Variants in BMP4 observed in about 807,000 individuals in gnomAD.
The protein encoded by BMP4 is bone morphogenetic protein 2B.
In BMP4, 3 loss-of-function variants were observed where a neutral mutation model predicts 29.6. The ratio of observed to expected loss-of-function variants is 0.10; its 90% confidence interval spans 0.05 to 0.26. The LOEUF (loss-of-function observed/expected upper bound fraction) is 0.26. BMP4 is among the 10% of genes least tolerant of loss of function. The pLI is 1.00. For synonymous variants in BMP4, 197 were observed against 213.2 expected (o/e 0.92, Z 0.66); for missense variants, 455 against 550.2 (o/e 0.83, Z 1.73).
intron 1 of BMP4, 59 bp from the exon 2 acceptor site, chr14:53,953,459 C>T (rs947763057): frequency 2.5e-6 from 1 of 398,246 alleles, no homozygotes; most frequent in African/African-American, 2.1e-5. Context: ...GTTTTTCTTC[C>T]AGCCCCTCGG....
intron 3 of BMP4, 200 bp downstream of exon 3, chr14:53,951,652 TC>T: frequency 1.3e-6 from 1 of 782,436 alleles, no homozygotes; most frequent in Non-Finnish European, 2.0e-6. Context: ...TCATTCCCCT[TC>T]CCCTGAACAC....
chr14:53,951,817 A>G, intron 3 of BMP4, 36 bp downstream of exon 3: 1 of 1,596,496 alleles, frequency 6.3e-7, no homozygotes, highest in Non-Finnish European at 8.5e-7. Flanking sequence ...CAGTCCCACC[A>G]GCCCTCCCCC....
rs1232523924 is a variant in BMP4 at position 53,949,919 on chromosome 14, T to TA, written c.*112dup. The TA allele has an allele frequency of 3.0e-6, 3 of 997,330 alleles. No homozygotes were observed. The highest frequency in any genetic ancestry group is 4.3e-6 in the Non-Finnish European group (3 of 696,648). The allele number at this position is 997,330 out of a possible 1,614,324, so 61.8% of individuals were successfully genotyped here. A position where few individuals can be genotyped will look rare whatever the true frequency, so the allele number is the denominator to read the frequency against. On this transcript the variant is annotated 3_prime_UTR_variant, in exon 4 of 4. Coordinates refer to ENST00000245451, the MANE Select transcript of BMP4 (RefSeq NM_001202.6). ...TTTTTTTTAAATAAAAGTCCAGCTATAAGGAAGCAGTCTGTGTAGTGTGTG... is the reference window on the plus strand; with the variant it reads ...TTTTTTTTAAATAAAAGTCCAGCTATAAAGGAAGCAGTCTGTGTAGTGTGTG...
rs1354610910 is a variant in BMP4, at chr14:53,955,624, C to T, written c.-133+926G>A. ...TTGGGGGTTTAACCTCTCACAAAGC[C>T]TTCAACTCACAAACCGCGATCCTTG... On this transcript the variant is annotated intron_variant, in intron 1 of 3. Transcript: ENST00000245451. This position sits in a 1 kb window ranked among gnomAD's most constrained non-coding sequence, Gnocchi z 4.0. 6.6e-6 allele frequency: 1 copy of T among 152,180 alleles called. No homozygotes were observed. The highest frequency in any genetic ancestry group is 1.9e-4 in the East Asian group (1 of 5,178). 9.4% of individuals were successfully genotyped at this position (152,180 alleles called of 1,614,324 possible).
In BMP4 at chr14:53,956,668, G is replaced by C. The variant is rs1023300708; in HGVS notation, c.-251C>G. 17 of 399,058 alleles carry C rather than the reference G, an allele frequency of 4.3e-5. No homozygotes were observed. The highest frequency in any genetic ancestry group is 7.5e-5 in the Non-Finnish European group (17 of 226,198). The allele number at this position is 399,058 out of a possible 1,614,324, so 24.7% of individuals were successfully genotyped here. ...GCTGCAGGCTCGAGATAGCTTGGAC[G>C]GGAATCCCATCGGGGAGACAAGCTA... On this transcript the variant is annotated 5_prime_UTR_variant, in exon 1 of 4. Coordinates refer to ENST00000245451, the MANE Select transcript of BMP4 (RefSeq NM_001202.6).
chr14:53,954,230 C>T lies in BMP4; in HGVS notation c.-132-830G>A, dbSNP rs962414080. On this transcript the variant is annotated intron_variant, in intron 1 of 3. Transcript: ENST00000245451. The surrounding 1 kb of genome is among the most constrained non-coding windows in gnomAD (Gnocchi z 4.8). ...AATCCCCAAACCTAGTCCGCCGCTG[C>T]GTGGCCCCTCTCCCCATGCAAAGCA... 6.6e-6 allele frequency among the ~76,000 whole-genome samples: 1 copy of T among 152,048 alleles called. No homozygotes were observed. Among genetic ancestry groups the T allele is most frequent in the African/African-American group, 2.4e-5 (1 of 41,408 alleles).
In BMP4 at chr14:53,955,381, T is replaced by G. The variant is rs1011282977; in HGVS notation, c.-133+1169A>C. The stretch of plus-strand genomic sequence containing the variant: ...TAGGAAGGGGAAGGGGGAGTTGTGT[T>G]TCAATTTCGGATTCACCAGGATTCA... On this transcript the variant is annotated intron_variant, in intron 1 of 3. Coordinates refer to ENST00000245451, the MANE Select transcript of BMP4 (RefSeq NM_001202.6). The surrounding 1 kb of genome is among the most constrained non-coding windows in gnomAD (Gnocchi z 4.0). 1 of 152,186 alleles carries G rather than the reference T, an allele frequency of 6.6e-6. No homozygotes were observed. Among genetic ancestry groups the G allele is most frequent in the Non-Finnish European group, 1.5e-5 (1 of 68,056 alleles). 9.4% of individuals were successfully genotyped at this position (152,186 alleles called of 1,614,324 possible). A position where few individuals can be genotyped will look rare whatever the true frequency, so the allele number is the denominator to read the frequency against.
chr14:53,951,703 C>T (rs1274374733), intron 3 of BMP4, 150 bp downstream of exon 3: 18 of 1,278,674 alleles, frequency 1.4e-5, no homozygotes, highest in Non-Finnish European at 1.9e-5. Context: ...GGCGGCAGCT[C>T]TGCAAATTCT....
At chr14:53,952,365 G>T in intron 2 of BMP4, 136 bp from the exon 3 acceptor site, 1 of 1,127,822 alleles carries the variant, frequency 8.9e-7, no homozygotes, top group Non-Finnish European at 1.2e-6. Flanking sequence ...GAAAGATCAA[G>T]TTTGTGTCTT....
At chr14:53,956,070 G>T (rs551954814) in intron 1 of BMP4, 1 of 152,982 alleles carries the variant, frequency 6.5e-6, no homozygotes, top group African/African-American at 2.4e-5. Flanking sequence ...ACTCTCCAGA[G>T]GCCAGCAGGA....
At chr14:53,952,970 G>T (rs976431295) in intron 2 of BMP4, among the ~76,000 whole-genome samples, 1 of 152,154 alleles carries the variant, frequency 6.6e-6, no homozygotes, top group Non-Finnish European at 1.5e-5. Context: ...GGCTCTCCCA[G>T]ACAAGTTGGA....
chr14:53,950,455 G>A lies in BMP4; in HGVS notation c.804C>T (p.Leu268=), dbSNP rs1348566360. The change falls in exon 4 of 4, where the codon CTC becomes CTT. Residue 268 remains leucine (L), a synonymous_variant. Coordinates refer to ENST00000245451, the MANE Select transcript of BMP4 (RefSeq NM_001202.6). The surrounding 1 kb of genome is among the most constrained non-coding windows in gnomAD (Gnocchi z 5.4). ...GGCCAAAGGTGACCAGGAGGGGCCG[G>A]AGCTGGGCCCAATTCCCACTCCCTT... ...LPQGSGNWAQ[L]RPLLVTFGHD... 1.2e-6 allele frequency: 2 copies of A among 1,613,856 alleles called. No individual in the cohort carries two copies. The highest frequency in any genetic ancestry group is 1.7e-6 in the Non-Finnish European group (2 of 1,180,056).
intron 3 of BMP4, 99 bp downstream of exon 3, chr14:53,951,754 G>T: frequency 6.6e-7 from 1 of 1,514,140 alleles, no homozygotes; most frequent in Non-Finnish European, 8.8e-7. Flanking sequence ...CTGGACTGGG[G>T]CTTTGATGTA....
rs1895658752 is a variant in BMP4 at position 53,955,070 on chromosome 14, C to T, written c.-133+1480G>A. On this transcript the variant is annotated intron_variant, in intron 1 of 3. Transcript: ENST00000245451. This position sits in a 1 kb window ranked among gnomAD's most constrained non-coding sequence, Gnocchi z 4.0. ...GCGCCCCTGCGCGACCGTCCGCGCC[C>T]GGCAAGAGCCGCGCGGCTTTCGCCT... Among the ~76,000 whole-genome samples the T allele has an allele frequency of 6.6e-6, 1 of 152,192 alleles. No homozygotes were observed. The highest frequency in any genetic ancestry group is 1.5e-5 in the Non-Finnish European group (1 of 68,024).
chr14:53,952,172 C>G lies in BMP4; in HGVS notation c.51G>C (p.Leu17=), dbSNP rs758335370. The G allele has an allele frequency of 3.7e-6, 6 of 1,614,102 alleles. No homozygotes were observed. The highest frequency in any genetic ancestry group is 5.1e-6 in the Non-Finnish European group (6 of 1,179,994). Residue 17 remains leucine (L), a synonymous_variant, in exon 3 of 4, where the codon CTG becomes CTC. Transcript: ENST00000245451. ...AACTAGCATGGCTCGCGCCTCCTAG[C>G]AGGACTTGGCATAATAAAACGACCA... ...MLMVVLLCQV[L]LGGASHASLI...
At chr14:53,956,107 C>T (rs1895707781) in intron 1 of BMP4, 1 of 154,712 alleles carries the variant, frequency 6.5e-6, no homozygotes, top group Non-Finnish European at 1.4e-5. Flanking sequence ...AGAACCTGCT[C>T]CAGCTAGGTG....
rs1227495916 is a variant in BMP4, at chr14:53,954,198, T to C, written c.-132-798A>G. Among the ~76,000 whole-genome samples, 2 of 151,912 alleles carry C rather than the reference T, an allele frequency of 1.3e-5. No homozygotes were observed. The highest frequency in any genetic ancestry group is 4.8e-5 in the African/African-American group (2 of 41,348). ...CTGTTAGTCATTGCTCCGGGTCCAT[T>C]ACCGAGAATCCCCAAACCTAGTCCG... On this transcript the variant is annotated intron_variant, in intron 1 of 3. Coordinates refer to ENST00000245451, the MANE Select transcript of BMP4 (RefSeq NM_001202.6). The surrounding 1 kb of genome is among the most constrained non-coding windows in gnomAD (Gnocchi z 4.8).
Position 53,956,698 on chromosome 14 carries a change from C to T in BMP4, c.-281G>A. The T allele has an allele frequency of 2.5e-6, 1 of 399,188 alleles. No homozygotes were observed. Among genetic ancestry groups the T allele is most frequent in the East Asian group, 3.6e-5 (1 of 28,066 alleles). The allele number at this position is 399,188 out of a possible 1,614,324, so 24.7% of individuals were successfully genotyped here. On this transcript the variant is annotated 5_prime_UTR_variant, in exon 1 of 4. Transcript: ENST00000245451. ...TCCCATCGGGGAGACAAGCTAGATA[C>T]TCAGCCGGAGCAGCAGCGGCGTCTC...
In BMP4 at chr14:53,950,388, T is replaced by C. The variant is rs756246578; in HGVS notation, c.871A>G (p.Lys291Glu). 6.2e-7 allele frequency: 1 copy of C among 1,613,744 alleles called. No homozygotes were observed. The highest frequency in any genetic ancestry group is 8.5e-7 in the Non-Finnish European group (1 of 1,179,766). The change falls in exon 4 of 4, where the codon AAG (lysine) becomes GAG (glutamate). Residue 291 changes from lysine to glutamate, a missense_variant. Around this residue, in one of 4 missense-constraint regions of BMP4, gnomAD observed 154 missense variants for 156.8 expected, o/e 0.98. Transcript: ENST00000245451. The surrounding 1 kb of genome is among the most constrained non-coding windows in gnomAD (Gnocchi z 5.4). ...GHALTRRRRA[K>E]RSPKHHSQRA... ...TGTGAGTGATGCTTAGGGCTACGCT[T>C]GGCCCTCCGGCGTCGGGTCAAGGCA...
Sources: gnomAD v4.1 joint callset for allele counts (sites outside exome capture counted in the v4.1 genomes callset) on GRCh38, gnomAD v4.1.1 for gene constraint, gnomAD v4.1.1 regional missense constraint, Gnocchi (gnomAD v3.1) non-coding constraint, MANE v1.5 for transcripts, NCBI Gene and HGNC (gene_info 2026-07-23, HGNC 2026-07-21) for gene names.